DCC: variants seen among roughly 807,000 people sequenced by gnomAD.
DCC encodes netrin receptor DCC.
In DCC, 58 loss-of-function variants were observed where a neutral mutation model predicts 172.5. The observed-to-expected ratio is 0.34, with a 90% CI of 0.27 to 0.42. DCC has a LOEUF of 0.42. Ranked by LOEUF, DCC falls within the 10% of genes least tolerant of loss-of-function variation. The pLI, the probability that DCC is intolerant of heterozygous loss-of-function variation, is 1.00. For missense variants in DCC, 1,740 were observed against 1,791.0 expected, an observed-to-expected ratio of 0.97 and a Z score of 0.51; for synonymous variants, 709 against 644.5, an observed-to-expected ratio of 1.10 and a Z score of -1.52.
chr18:53,191,722 T>A (rs2055368716), intron 9 of DCC, among the ~76,000 whole-genome samples: 1 of 151,856 alleles, frequency 6.6e-6, no homozygotes, highest in Non-Finnish European at 1.5e-5. Flanking sequence ...GTTATCTAAA[T>A]AACATTCATA....
At chr18:53,068,963 G>A (rs1039377747) in intron 7 of DCC, among the ~76,000 whole-genome samples, 1 of 152,034 alleles carries the variant, frequency 6.6e-6, no homozygotes, top group Non-Finnish European at 1.5e-5. Context: ...ATACTTAATA[G>A]GGACTTATGA....
intron 2 of DCC, among the ~76,000 whole-genome samples, chr18:52,811,664 TAAA>T (rs1051924487): frequency 1.2e-4 from 18 of 151,846 alleles, no homozygotes; most frequent in African/African-American, 4.3e-4. Flanking sequence ...TTATTAAACA[TAAA>T]AAGAATTGAT....
rs142148991 is a variant in DCC at position 53,524,670 on chromosome 18, A to G, written c.4112-1947A>G. On this transcript the variant is annotated intron_variant, in intron 27 of 28. Coordinates refer to ENST00000442544, the MANE Select transcript of DCC (RefSeq NM_005215.4). ...CAGTTATGAGAAACAATGATAAAAA[A>G]TGAGCTTTTATCCCCAGATTTATAG... Among the ~76,000 whole-genome samples the G allele has an allele frequency of 7.2e-3, 1,088 of 152,156 alleles. 3 individuals are homozygous for G. The highest frequency in any genetic ancestry group is 0.02 in the Middle Eastern group (6 of 294).
At chr18:52,677,107 A>T (rs1253049882) in intron 1 of DCC, among the ~76,000 whole-genome samples, 1 of 152,150 alleles carries the variant, frequency 6.6e-6, no homozygotes, top group Non-Finnish European at 1.5e-5. Flanking sequence ...TTTGTAATAG[A>T]TGTGGCATAA....
intron 1 of DCC, among the ~76,000 whole-genome samples, chr18:52,702,814 T>C (rs528210532): frequency 6.6e-6 from 1 of 152,290 alleles, no homozygotes; most frequent in South Asian, 2.1e-4. Context: ...CAAATGTTTA[T>C]CTGGATTTTT....
chr18:52,525,452 C>T (rs552405651), intron 1 of DCC, among the ~76,000 whole-genome samples: 13 of 152,302 alleles, frequency 8.5e-5, no homozygotes, highest in African/African-American at 2.9e-4. Flanking sequence ...CACTCACATG[C>T]TTTTGTAAAT....
intron 5 of DCC, among the ~76,000 whole-genome samples, chr18:52,947,938 A>G (rs1424952915): frequency 1.3e-5 from 2 of 152,168 alleles, no homozygotes; most frequent in Non-Finnish European, 2.9e-5. Flanking sequence ...ATGAAGTAAG[A>G]CCTGAAAGAC....
At chr18:53,450,401 A>C in intron 22 of DCC, 99 bp from the exon 23 acceptor site, 1 of 1,358,848 alleles carries the variant, frequency 7.4e-7, no homozygotes, top group Non-Finnish European at 1.0e-6. Flanking sequence ...AGTTCAGAAA[A>C]GCCCAGAACA....
At chr18:52,976,616 C>A in intron 5 of DCC, among the ~76,000 whole-genome samples, 1 of 152,190 alleles carries the variant, frequency 6.6e-6, no homozygotes, top group Non-Finnish European at 1.5e-5. Context: ...CAAATGTAAT[C>A]TCTCCCTTTC....
chr18:52,354,394 T>C (rs1205166298), intron 1 of DCC, among the ~76,000 whole-genome samples: 29 of 152,170 alleles, frequency 1.9e-4, no homozygotes, highest in Admixed American at 1.9e-3. Context: ...GTTCTAATCG[T>C]CCAGAAAAGA....
intron 1 of DCC, among the ~76,000 whole-genome samples, chr18:52,370,706 C>T (rs1190158795): frequency 6.6e-6 from 1 of 152,010 alleles, no homozygotes; most frequent in African/African-American, 2.4e-5. Flanking sequence ...CACATGTACC[C>T]TGCAACTTAA....
chr18:53,074,601 G>T (rs1239872955), intron 7 of DCC, among the ~76,000 whole-genome samples: 1 of 152,074 alleles, frequency 6.6e-6, no homozygotes, highest in African/African-American at 2.4e-5. Context: ...AAAAATAAGA[G>T]AATAGTAATG....
At chr18:53,401,266 T>C (rs1215096999) in intron 18 of DCC, among the ~76,000 whole-genome samples, 1 of 146,598 alleles carries the variant, frequency 6.8e-6, no homozygotes, top group Non-Finnish European at 1.5e-5. Context: ...TCAACTATAC[T>C]CCACCTATGT....
intron 1 of DCC, among the ~76,000 whole-genome samples, chr18:52,691,933 T>C (rs779160902): frequency 9.9e-5 from 15 of 152,146 alleles, no homozygotes; most frequent in Non-Finnish European, 2.1e-4. Flanking sequence ...AAAAAGAGAG[T>C]AACAGAAGTT....
At chr18:53,157,835 C>T (rs1270062666) in intron 8 of DCC, among the ~76,000 whole-genome samples, 1 of 152,222 alleles carries the variant, frequency 6.6e-6, no homozygotes, top group African/African-American at 2.4e-5. Flanking sequence ...AAAAGCACTA[C>T]TGTGGCTAGC....
intron 25 of DCC, among the ~76,000 whole-genome samples, chr18:53,483,723 A>C (rs1410028130): frequency 1.3e-5 from 2 of 151,806 alleles, no homozygotes; most frequent in African/African-American, 2.4e-5. Flanking sequence ...ATTTCCAGTG[A>C]CTATGAGTCT....
At chr18:53,524,296 T>G in intron 27 of DCC, among the ~76,000 whole-genome samples, 1 of 150,786 alleles carries the variant, frequency 6.6e-6, no homozygotes, top group Non-Finnish European at 1.5e-5. Context: ...GTTGAATACA[T>G]GAAAAAAAAA....
At chr18:53,091,840 T>TATCA (rs2043014931) in intron 7 of DCC, among the ~76,000 whole-genome samples, 4 of 73,546 alleles carry the variant, frequency 5.4e-5, no homozygotes, top group South Asian at 7.7e-4. Flanking sequence ...TCTATCTATC[T>TATCA]ATCTATCTAT....
chr18:53,102,957 A>C (rs1399581810), intron 7 of DCC, among the ~76,000 whole-genome samples: 1 of 152,122 alleles, frequency 6.6e-6, no homozygotes, highest in East Asian at 1.9e-4. Flanking sequence ...CTTAAGGAGA[A>C]AATTAAATTT....
Sources: allele counts gnomAD v4.1 joint callset (sites outside exome capture counted in the v4.1 genomes callset), GRCh38; gene constraint gnomAD v4.1.1; transcripts MANE v1.5; gene names NCBI Gene and HGNC (gene_info 2026-07-23, HGNC 2026-07-21).